The following UNC79 variants were observed in gnomAD, a reference collection of about 807,000 sequenced individuals.
UNC79 encodes unc-79 subunit of NALCN channel complex.
In UNC79, 37 loss-of-function variants were observed where a neutral mutation model predicts 283.1. That is an observed-to-expected ratio of 0.13 (90% CI 0.10 to 0.17). The LOEUF is 0.17. Among genes scored for constraint, UNC79 ranks in the 10% least tolerant of loss-of-function variants. UNC79 has a pLI of 1.00. For synonymous variants in UNC79, 1,107 were observed against 1,200.2 expected, an observed-to-expected ratio of 0.92 and a Z score of 1.61; for missense variants, 2,272 against 3,211.1, an observed-to-expected ratio of 0.71 and a Z score of 7.07.
chr14:93,337,589 G>A (rs955868446), intron 1 of UNC79, among the ~76,000 whole-genome samples: 4 of 152,242 alleles, frequency 2.6e-5, no homozygotes, highest in African/African-American at 9.6e-5. Context: ...ATGATAGGAA[G>A]CAGTGGCAGG....
intron 26 of UNC79, among the ~76,000 whole-genome samples, chr14:93,611,591 G>A (rs1041379169): frequency 2.0e-5 from 3 of 152,122 alleles, no homozygotes; most frequent in Admixed American, 2.0e-4. Flanking sequence ...GCTGTGTCCT[G>A]GAAGGCTGAG....
intron 7 of UNC79, among the ~76,000 whole-genome samples, chr14:93,502,345 G>A (rs570649342): frequency 3.9e-5 from 6 of 152,184 alleles, no homozygotes; most frequent in South Asian, 2.1e-4. Context: ...CCCAGGAGGC[G>A]GAGTTTGCAG....
chr14:93,409,516 C>T (rs1409103775), intron 1 of UNC79, among the ~76,000 whole-genome samples: 2 of 152,000 alleles, frequency 1.3e-5, no homozygotes, highest in African/African-American at 4.8e-5. Context: ...CATAGTGAGA[C>T]CTCCGTCTCT....
chr14:93,542,520 G>A (rs902033854), exon 14 of UNC79: 24 of 1,614,096 alleles, frequency 1.5e-5, no homozygotes, highest in Admixed American at 1.2e-4. Flanking sequence ...GGCCCGGCTG[G>A]TGGCCATGGT....
intron 1 of UNC79, among the ~76,000 whole-genome samples, chr14:93,369,888 A>T (rs970405120): frequency 1.3e-5 from 2 of 152,246 alleles, no homozygotes; most frequent in African/African-American, 4.8e-5. Context: ...GGAAGTAACC[A>T]GCTCCAGTTA....
At chr14:93,648,970 C>T (rs568911501) in intron 35 of UNC79, among the ~76,000 whole-genome samples, 5 of 151,950 alleles carry the variant, frequency 3.3e-5, no homozygotes, top group African/African-American at 4.8e-5. Context: ...TGTGTGCGTG[C>T]GTGTGTATAG....
intron 41 of UNC79, among the ~76,000 whole-genome samples, chr14:93,675,052 C>T (rs945727414): frequency 2.6e-5 from 4 of 152,168 alleles, no homozygotes; most frequent in East Asian, 1.9e-4. Context: ...GCTGAAACTC[C>T]GCTTTTCTGA....
intron 41 of UNC79, among the ~76,000 whole-genome samples, chr14:93,682,158 AG>A (rs1458499450): frequency 6.6e-6 from 1 of 152,212 alleles, no homozygotes; most frequent in African/African-American, 2.4e-5. Flanking sequence ...CAGGAAGATG[AG>A]ATGCTGAAGT....
chr14:93,682,686 G>T (rs752770328), exon 42 of UNC79: 1 of 1,613,940 alleles, frequency 6.2e-7, no homozygotes. Flanking sequence ...GATAGCCTCT[G>T]TACCTGGAGT....
chr14:93,490,623 T>C (rs2058678327), intron 5 of UNC79, among the ~76,000 whole-genome samples: 1 of 152,246 alleles, frequency 6.6e-6, no homozygotes, highest in Admixed American at 6.5e-5. Flanking sequence ...TTTCCAGGAA[T>C]GTGTTCCTCA....
At chr14:93,575,093 A>C in exon 17 of UNC79, 1 of 1,613,634 alleles carries the variant, frequency 6.2e-7, no homozygotes, top group Non-Finnish European at 8.5e-7. Context: ...TTCCACTTCA[A>C]CTACTAATAA....
At chr14:93,633,448 T>G (rs1376058901) in intron 31 of UNC79, among the ~76,000 whole-genome samples, 1 of 152,216 alleles carries the variant, frequency 6.6e-6, no homozygotes, top group Non-Finnish European at 1.5e-5. Flanking sequence ...TTGTGAAATG[T>G]GTGTATAACA....
upstream of UNC79, among the ~76,000 whole-genome samples, chr14:93,425,343 A>G (rs2055702925): frequency 6.6e-6 from 1 of 152,234 alleles, no homozygotes; most frequent in Admixed American, 6.5e-5. Context: ...CACTGGATCC[A>G]TACCATGACA....
At chr14:93,656,484 G>A (rs898550079) in intron 38 of UNC79, among the ~76,000 whole-genome samples, 3 of 151,824 alleles carry the variant, frequency 2.0e-5, no homozygotes, top group African/African-American at 7.3e-5. Flanking sequence ...AATATAGTGA[G>A]ACTCTGTCTC....
chr14:93,398,990 TCA>T (rs1404513457), intron 1 of UNC79, among the ~76,000 whole-genome samples: 1 of 152,176 alleles, frequency 6.6e-6, no homozygotes, highest in Non-Finnish European at 1.5e-5. Context: ...TTTAATTGAC[TCA>T]CAGTTCTGCA....
At chr14:93,547,835 A>T (rs561649070) in intron 14 of UNC79, among the ~76,000 whole-genome samples, 1 of 149,452 alleles carries the variant, frequency 6.7e-6, no homozygotes, top group Admixed American at 6.7e-5. Flanking sequence ...TACAAAAAAT[A>T]AAAAAAAAAT....
chr14:93,381,931 C>A (rs776127820), intron 1 of UNC79, among the ~76,000 whole-genome samples: 3 of 152,094 alleles, frequency 2.0e-5, no homozygotes, highest in Non-Finnish European at 4.4e-5. Context: ...TTAGGAAAGC[C>A]AAGTGTGAAC....
At chr14:93,555,154 AAT>A (rs1208804311) in intron 14 of UNC79, among the ~76,000 whole-genome samples, 4 of 152,240 alleles carry the variant, frequency 2.6e-5, no homozygotes, top group Non-Finnish European at 5.9e-5. Flanking sequence ...TTATTTCATT[AAT>A]AGTCTTTAAA....
chr14:93,579,144 T>C (rs530731596), intron 18 of UNC79, among the ~76,000 whole-genome samples: 1 of 152,176 alleles, frequency 6.6e-6, no homozygotes, highest in Non-Finnish European at 1.5e-5. Context: ...AGACCACAGA[T>C]GTGATGTTAT....
Sources: gnomAD v4.1 joint callset for allele counts (sites outside exome capture counted in the v4.1 genomes callset) on GRCh38, gnomAD v4.1.1 for gene constraint, MANE v1.5 for transcripts, NCBI Gene and HGNC (gene_info 2026-07-23, HGNC 2026-07-21) for gene names.